Variants in CDK7 observed in about 807,000 individuals in gnomAD.
CDK7 encodes cyclin-dependent kinase 7.
A neutral mutation model predicts 49.1 loss-of-function variants in CDK7; 25 were observed. That is an observed-to-expected ratio of 0.51 (90% CI 0.37 to 0.71). CDK7 has a LOEUF of 0.71. Among genes scored for constraint, CDK7 ranks in the 30% least tolerant of loss-of-function variants. The pLI, the probability that CDK7 is intolerant of heterozygous loss-of-function variation, is 0.00. For synonymous variants in CDK7, 107 were observed against 140.0 expected, an observed-to-expected ratio of 0.76 and a Z score of 1.67; for missense variants, 316 against 411.7, an observed-to-expected ratio of 0.77 and a Z score of 2.01.
intron 2 of CDK7, among the ~76,000 whole-genome samples, chr5:69,236,818 A>G (rs1473135909): frequency 6.6e-6 from 1 of 151,572 alleles, no homozygotes; most frequent in Non-Finnish European, 1.5e-5. Context: ...CGCCCAGCTA[A>G]TATTTGTATT....
intron 7 of CDK7, among the ~76,000 whole-genome samples, chr5:69,260,849 G>A (rs1004389485): frequency 4.6e-5 from 7 of 152,004 alleles, no homozygotes; most frequent in South Asian, 2.1e-4. Context: ...ACAGGATCTC[G>A]CTCTGTTGCC....
chr5:69,264,231 A>ATC (rs1751003474), intron 8 of CDK7, among the ~76,000 whole-genome samples: 1 of 152,208 alleles, frequency 6.6e-6, no homozygotes, highest in Non-Finnish European at 1.5e-5. Flanking sequence ...ATTATAGTGC[A>ATC]TCTATAGAAT....
chr5:69,248,447 G>A (rs1403457827), intron 2 of CDK7, among the ~76,000 whole-genome samples: 2 of 151,748 alleles, frequency 1.3e-5, no homozygotes, highest in Admixed American at 6.6e-5. Context: ...GAGTGCAATG[G>A]CATGTCGTTG....
At chr5:69,245,291 TC>T (rs1561349302) in intron 2 of CDK7, among the ~76,000 whole-genome samples, 1 of 91,620 alleles carries the variant, frequency 1.1e-5, no homozygotes, top group Non-Finnish European at 2.0e-5. Flanking sequence ...CCTTTTCCCC[TC>T]CCTTCCCCCT....
In CDK7 at chr5:69,277,093, T is replaced by C; in HGVS notation, c.1013-14T>C. ...TGAACAACTTTTTTTTTTCTTGTTC[T>C]TTTTGCTTCCTAGGAGGATTGCCCA... On this transcript the variant is annotated splice_polypyrimidine_tract_variant and intron_variant, in intron 11 of 11. Coordinates refer to ENST00000256443, the MANE Select transcript of CDK7 (RefSeq NM_001799.4). 6.3e-7 allele frequency: 1 copy of C among 1,587,126 alleles called. No individual in the cohort carries two copies. The highest frequency in any genetic ancestry group is 1.2e-5 in the South Asian group (1 of 84,706).
In CDK7 at chr5:69,254,685, A is replaced by G; in HGVS notation, c.228+16A>G. On this transcript the variant is annotated intron_variant, in intron 4 of 11. Coordinates refer to ENST00000256443, the MANE Select transcript of CDK7 (RefSeq NM_001799.4). The stretch of plus-strand genomic sequence containing the variant: ...TATAATTGGTGTGAGTATGATCAAA[A>G]CTGTTACTGGGATTTGGGACTCTGC... 7.4e-7 allele frequency: 1 copy of G among 1,349,000 alleles called. No homozygotes were observed. Among genetic ancestry groups the G allele is most frequent in the Non-Finnish European group, 1.1e-6 (1 of 941,982 alleles). 83.6% of individuals were successfully genotyped at this position (1,349,000 alleles called of 1,614,324 possible).
chr5:69,276,390 C>T (rs1752142060), intron 10 of CDK7, among the ~76,000 whole-genome samples, 153 bp from the exon 11 acceptor site: 1 of 152,168 alleles, frequency 6.6e-6, no homozygotes, highest in Admixed American at 6.5e-5. Context: ...TAGTAATTTC[C>T]ATTTGCAAAT....
chr5:69,263,227 G>C (rs1448800918), intron 8 of CDK7, among the ~76,000 whole-genome samples: 1 of 151,406 alleles, frequency 6.6e-6, no homozygotes, highest in African/African-American at 2.4e-5. Context: ...GAAGGTAAAG[G>C]GATACAGGGG....
chr5:69,268,001 G>A (rs147758634), intron 8 of CDK7, among the ~76,000 whole-genome samples: 3 of 151,974 alleles, frequency 2.0e-5, no homozygotes, highest in Admixed American at 6.6e-5. Context: ...TTGTTCTGTC[G>A]CCCAAGCTGG....
chr5:69,235,284 C>G lies in CDK7; in HGVS notation c.67-110C>G, dbSNP rs1189741426. ...ACTGACCCGCCACGTTTCCAGCCGC[C>G]GCGAGTCTGCTCAGGAACTCTGGGC... On this transcript the variant is annotated intron_variant, in intron 1 of 11. Transcript: ENST00000256443. The G allele has an allele frequency of 4.5e-6, 4 of 887,028 alleles. No homozygotes were observed. The Admixed American group carries it at 8.7e-5, about 19-fold the overall frequency. The allele number at this position is 887,028 out of a possible 1,614,324, so 54.9% of individuals were successfully genotyped here.
At chr5:69,249,052 A>T (rs1205197179) in intron 2 of CDK7, among the ~76,000 whole-genome samples, 1 of 150,600 alleles carries the variant, frequency 6.6e-6, no homozygotes, top group Non-Finnish European at 1.5e-5. Flanking sequence ...CTTTGAATTA[A>T]CTTTCTTCTT....
intron 8 of CDK7, among the ~76,000 whole-genome samples, chr5:69,268,188 C>G (rs532245440): frequency 8.5e-5 from 13 of 152,244 alleles, no homozygotes; most frequent in African/African-American, 3.1e-4. Flanking sequence ...GTCTTGAACT[C>G]CTGACCCATC....
At chr5:69,264,599 G>C (rs549991657) in intron 8 of CDK7, among the ~76,000 whole-genome samples, 1 of 152,232 alleles carries the variant, frequency 6.6e-6, no homozygotes, top group African/African-American at 2.4e-5. Context: ...CAGAAAACAA[G>C]GAAAATGGAG....
intron 8 of CDK7, among the ~76,000 whole-genome samples, chr5:69,262,962 C>T (rs961165278): frequency 2.0e-5 from 3 of 151,998 alleles, no homozygotes; most frequent in Admixed American, 1.3e-4. Flanking sequence ...GTTTTAAGTG[C>T]GCTTTAGGAA....
intron 5 of CDK7, 30 bp from the exon 6 acceptor site, chr5:69,258,013 G>A: frequency 1.0e-6 from 1 of 1,002,032 alleles, no homozygotes; most frequent in African/African-American, 1.6e-5. Flanking sequence ...ATAATAAAGG[G>A]TACCTGTATA....
At chr5:69,243,526 G>C in intron 2 of CDK7, among the ~76,000 whole-genome samples, 1 of 149,452 alleles carries the variant, frequency 6.7e-6, no homozygotes, top group Non-Finnish European at 1.5e-5. Context: ...ATATCATGCT[G>C]TTTTGGTTAT....
At chr5:69,259,360 T>C (rs1457943150) in intron 6 of CDK7, among the ~76,000 whole-genome samples, 1 of 152,182 alleles carries the variant, frequency 6.6e-6, no homozygotes, top group East Asian at 1.9e-4. Flanking sequence ...AATTTATAAC[T>C]AGTAATTCTC....
rs1253077428 is a variant in CDK7, at chr5:69,234,899, GGCT to G, written c.-76_-74del. 1.1e-5 allele frequency: 15 copies of G among 1,414,780 alleles called. No homozygotes were observed. The highest frequency in any genetic ancestry group is 1.4e-5 in the Non-Finnish European group (14 of 1,023,128). The allele number at this position is 1,414,780 out of a possible 1,614,324, so 87.6% of individuals were successfully genotyped here. ...CCGGTGGACGGAAGTGGGTGTTGGA[GGCT>G]TTAAGGTAGCTTTAAATTCGTGTTG... is the stretch of plus-strand genomic sequence containing the variant. On this transcript the variant is annotated 5_prime_UTR_variant, in exon 1 of 12. Coordinates refer to ENST00000256443, the MANE Select transcript of CDK7 (RefSeq NM_001799.4).
At chr5:69,247,150 T>G (rs181491579) in intron 2 of CDK7, among the ~76,000 whole-genome samples, 26 of 152,316 alleles carry the variant, frequency 1.7e-4, no homozygotes, top group African/African-American at 6.0e-4. Context: ...AATGTGTCTT[T>G]GTTGGTTTTC....
Sources: allele counts gnomAD v4.1 joint callset (sites outside exome capture counted in the v4.1 genomes callset), GRCh38; gene constraint gnomAD v4.1.1; transcripts MANE v1.5; gene names NCBI Gene and HGNC (gene_info 2026-07-23, HGNC 2026-07-21).